EHBP1: variants seen among roughly 807,000 people sequenced by gnomAD.
EHBP1 encodes EH domain binding protein 1.
EHBP1 carries 55 observed loss-of-function variants against 144.0 expected under a neutral mutation model. That is an observed-to-expected ratio of 0.38 (90% CI 0.31 to 0.48). The LOEUF (loss-of-function observed/expected upper bound fraction) is 0.48, where lower values mean the gene tolerates loss of function less well. Ranked by LOEUF, EHBP1 falls within the 20% of genes least tolerant of loss-of-function variation. The pLI is 0.98. For synonymous variants in EHBP1, 469 were observed against 472.7 expected, an observed-to-expected ratio of 0.99 and a Z score of 0.10; for missense variants, 1,200 against 1,364.2, an observed-to-expected ratio of 0.88 and a Z score of 1.90.
intron 10 of EHBP1, among the ~76,000 whole-genome samples, chr2:62,915,430 A>G (rs568315591): frequency 1.2e-4 from 18 of 152,248 alleles, no homozygotes; most frequent in African/African-American, 4.3e-4. Context: ...AGTAAATAAC[A>G]TGCATCCCAT....
At chr2:62,985,643 C>T (rs1249831574) in intron 15 of EHBP1, among the ~76,000 whole-genome samples, 2 of 152,090 alleles carry the variant, frequency 1.3e-5, no homozygotes, top group African/African-American at 4.8e-5. Context: ...TATGCTTGAG[C>T]CAAATAGGAC....
intron 2 of EHBP1, among the ~76,000 whole-genome samples, chr2:62,717,350 T>C (rs1290474076): frequency 6.6e-6 from 1 of 152,188 alleles, no homozygotes; most frequent in Non-Finnish European, 1.5e-5. Context: ...TTTGTTCTGA[T>C]TTTTTAGGAA....
At chr2:62,913,870 C>T (rs548405096) in intron 10 of EHBP1, among the ~76,000 whole-genome samples, 1 of 152,268 alleles carries the variant, frequency 6.6e-6, no homozygotes, top group East Asian at 1.9e-4. Flanking sequence ...GTAGCCTGAA[C>T]ATTGTATATG....
rs140124017 is a variant in EHBP1 at position 62,948,404 on chromosome 2, G to A, written c.1558G>A (p.Val520Ile). ...AHFSGQELNV[V>I]QIEENSSKST... ...TTTCAGTGGCCAAGAACTAAATGTC[G>A]TTCAGATAGAGGAAAACAGCAGTAA... The change falls in exon 13 of 23, where the codon GTT becomes ATT. Residue 520 changes from valine to isoleucine, a missense_variant. Around this residue, in one of 6 missense-constraint regions of EHBP1, gnomAD observed 94 missense variants for 143.0 expected, o/e 0.66. Transcript: ENST00000431489. 91 of 1,613,928 alleles carry A rather than the reference G, an allele frequency of 5.6e-5. No homozygotes were observed. Among genetic ancestry groups the A allele is most frequent in the East Asian group, 4.5e-4 (20 of 44,846 alleles).
chr2:62,922,792 T>C (rs779802639), intron 10 of EHBP1, among the ~76,000 whole-genome samples: 8 of 152,202 alleles, frequency 5.3e-5, no homozygotes, highest in Non-Finnish European at 1.2e-4. Flanking sequence ...TCTGCAGTCC[T>C]GTCTCCCTTC....
intron 9 of EHBP1, among the ~76,000 whole-genome samples, chr2:62,869,387 T>G (rs775002712): frequency 3.3e-5 from 5 of 152,148 alleles, no homozygotes; most frequent in Non-Finnish European, 5.9e-5. Context: ...ATGGGAACAA[T>G]TCAAATATCT....
intron 14 of EHBP1, among the ~76,000 whole-genome samples, chr2:62,974,947 G>A (rs2058650078): frequency 6.6e-6 from 1 of 152,128 alleles, no homozygotes; most frequent in South Asian, 2.1e-4. Flanking sequence ...TTGCTATTAT[G>A]CTCTACAAAT....
intron 3 of EHBP1, among the ~76,000 whole-genome samples, chr2:62,756,601 C>T (rs1162207289): frequency 1.3e-5 from 2 of 152,024 alleles, no homozygotes; most frequent in East Asian, 3.9e-4. Context: ...GAAACCTCAT[C>T]TCTACTAAAA....
At chr2:62,931,511 A>G (rs981304292) in intron 10 of EHBP1, among the ~76,000 whole-genome samples, 6 of 152,238 alleles carry the variant, frequency 3.9e-5, no homozygotes, top group Non-Finnish European at 7.3e-5. Context: ...GAGTTACCAT[A>G]TGATTCAGCG....
At chr2:62,917,169 C>T (rs1051147802) in intron 10 of EHBP1, among the ~76,000 whole-genome samples, 3 of 152,022 alleles carry the variant, frequency 2.0e-5, no homozygotes, top group South Asian at 2.1e-4. Context: ...CTGAATACCA[C>T]AGGCAATTGT....
At chr2:62,806,926 T>C (rs962455364) in intron 5 of EHBP1, among the ~76,000 whole-genome samples, 6 of 152,136 alleles carry the variant, frequency 3.9e-5, no homozygotes, top group South Asian at 2.1e-4. Flanking sequence ...TATATAAGCA[T>C]ACAAAAACAT....
At chr2:62,792,748 G>A (rs2043247453) in intron 5 of EHBP1, among the ~76,000 whole-genome samples, 1 of 152,006 alleles carries the variant, frequency 6.6e-6, no homozygotes, top group South Asian at 2.1e-4. Context: ...ATAAATGGGT[G>A]TGTATCCAAT....
chr2:63,035,387 G>C (rs755567012), intron 19 of EHBP1, among the ~76,000 whole-genome samples: 23 of 151,860 alleles, frequency 1.5e-4, no homozygotes, highest in Non-Finnish European at 3.2e-4. Context: ...AGATTCTTTT[G>C]TTATTAGTCA....
chr2:63,003,313 A>G (rs922759373), intron 19 of EHBP1, among the ~76,000 whole-genome samples: 1 of 152,110 alleles, frequency 6.6e-6, no homozygotes. Context: ...AAGCTTGTGT[A>G]ATGTTTTAGA....
intron 10 of EHBP1, among the ~76,000 whole-genome samples, chr2:62,913,617 C>A (rs1433352890): frequency 6.6e-6 from 1 of 152,052 alleles, no homozygotes; most frequent in African/African-American, 2.4e-5. Flanking sequence ...TTTGGTGGGG[C>A]ATGTTTAATT....
chr2:62,757,623 G>C (rs762455290), intron 3 of EHBP1, among the ~76,000 whole-genome samples: 3 of 151,362 alleles, frequency 2.0e-5, no homozygotes, highest in Non-Finnish European at 4.4e-5. Flanking sequence ...TAGTAGAGAC[G>C]GGCTTTCACC....
At chr2:62,834,053 A>G (rs2047027651) in intron 7 of EHBP1, among the ~76,000 whole-genome samples, 1 of 152,256 alleles carries the variant, frequency 6.6e-6, no homozygotes. Flanking sequence ...TGGAGCCTAA[A>G]GATGTAACTG....
chr2:62,767,813 ACAG>A (rs201017889), intron 4 of EHBP1, among the ~76,000 whole-genome samples: 5,552 of 148,206 alleles, frequency 0.037, 178 homozygotes, highest in Non-Finnish European at 0.058. Context: ...TGCAGCCTGG[ACAG>A]CAGAGCAAGA....
chr2:63,017,603 T>C (rs925087580), intron 19 of EHBP1, among the ~76,000 whole-genome samples: 1 of 152,180 alleles, frequency 6.6e-6, no homozygotes, highest in African/African-American at 2.4e-5. Context: ...TTAGCTATTA[T>C]TATTTATATA....
Sources: allele counts gnomAD v4.1 joint callset (sites outside exome capture counted in the v4.1 genomes callset), GRCh38; gene constraint gnomAD v4.1.1; regional missense constraint gnomAD v4.1.1; transcripts MANE v1.5; gene names NCBI Gene and HGNC (gene_info 2026-07-23, HGNC 2026-07-21).